Variants in ALKAL1 observed in about 807,000 individuals in gnomAD.
ALKAL1 encodes the protein ALK and LTK ligand 1.
In ALKAL1, 23 loss-of-function variants were observed where a neutral mutation model predicts 13.5. The ratio of observed to expected loss-of-function variants is 1.70; its 90% CI spans 1.23 to 2.41. ALKAL1 has a LOEUF of 2.41. ALKAL1 is among the 30% of genes most tolerant of loss of function. ALKAL1 has a pLI of 0.00. For synonymous variants in ALKAL1, 85 were observed against 77.7 expected, an observed-to-expected ratio of 1.09 and a Z score of -0.49; for missense variants, 181 against 178.4, an observed-to-expected ratio of 1.01 and a Z score of -0.08.
chr8:52,538,427 T>C lies in ALKAL1; in HGVS notation c.*12+4A>G, dbSNP rs754164128. ...CAGGATAAGAAAAATAAATATATAC[T>C]CACAGGGTAGTTTTGCTAGGTCTGG... On this transcript the variant is annotated splice_donor_region_variant and intron_variant, in intron 4 of 4. Coordinates refer to ENST00000358543, the MANE Select transcript of ALKAL1 (RefSeq NM_207413.4). The C allele has an allele frequency of 8.5e-6, 13 of 1,530,396 alleles. No individual in the cohort carries two copies. The highest frequency in any genetic ancestry group is 8.1e-6 in the Non-Finnish European group (9 of 1,108,512). 94.8% of individuals were successfully genotyped at this position (1,530,396 alleles called of 1,614,324 possible).
chr8:52,545,094 A>G (rs1317859455), intron 1 of ALKAL1, among the ~76,000 whole-genome samples: 1 of 152,128 alleles, frequency 6.6e-6, no homozygotes, highest in African/African-American at 2.4e-5. Flanking sequence ...ACTATTTTTA[A>G]TAATAAAAAA....
chr8:52,538,315 C>T (rs1309737440), intron 4 of ALKAL1, 116 bp downstream of exon 4: 1 of 660,266 alleles, frequency 1.5e-6, no homozygotes, highest in Non-Finnish European at 2.7e-6. Flanking sequence ...CAAAATGTAA[C>T]ACTGTACCCC....
intron 1 of ALKAL1, among the ~76,000 whole-genome samples, chr8:52,552,683 T>C (rs944949378): frequency 6.6e-6 from 1 of 152,282 alleles, no homozygotes; most frequent in African/African-American, 2.4e-5. Flanking sequence ...CTGGCCATCA[T>C]GAAATGTTTT....
intron 3 of ALKAL1, among the ~76,000 whole-genome samples, chr8:52,538,964 G>A (rs1590864732): frequency 6.6e-6 from 1 of 151,258 alleles, no homozygotes; most frequent in East Asian, 1.9e-4. Flanking sequence ...GCTAATTTTT[G>A]TATTTTTGGT....
Position 52,565,335 on chromosome 8 carries a change from A to G in ALKAL1, c.-79T>C. 1.8e-6 allele frequency: 2 copies of G among 1,140,102 alleles called. No homozygotes were observed. Among genetic ancestry groups the G allele is most frequent in the South Asian group, 4.0e-5 (1 of 24,908 alleles). The allele number at this position is 1,140,102 out of a possible 1,614,324, so 70.6% of individuals were successfully genotyped here. On this transcript the variant is annotated 5_prime_UTR_variant, in exon 1 of 5. Coordinates refer to ENST00000358543, the MANE Select transcript of ALKAL1 (RefSeq NM_207413.4). ...TCCGGAGGGTGCGCGGCCCAAGAGA[A>G]GGCCAGCGGGACCACAGCGCGGCTA...
At chr8:52,557,579 C>A (rs182129725) in intron 1 of ALKAL1, among the ~76,000 whole-genome samples, 1 of 152,130 alleles carries the variant, frequency 6.6e-6, no homozygotes, top group African/African-American at 2.4e-5. Context: ...CTTTTTTTAA[C>A]GGTTGGCTCA....
chr8:52,538,756 A>C (rs1387820581), intron 3 of ALKAL1, among the ~76,000 whole-genome samples: 1 of 152,164 alleles, frequency 6.6e-6, no homozygotes, highest in African/African-American at 2.4e-5. Context: ...TAACTAGTCA[A>C]AAGCTTTATC....
chr8:52,538,218 T>C (rs1029195944), intron 4 of ALKAL1, among the ~76,000 whole-genome samples: 1 of 152,140 alleles, frequency 6.6e-6, no homozygotes, highest in Non-Finnish European at 1.5e-5. Context: ...TTAACCATAA[T>C]TCATTGTATA....
chr8:52,563,040 G>C (rs1847566604), intron 1 of ALKAL1, among the ~76,000 whole-genome samples: 1 of 152,162 alleles, frequency 6.6e-6, no homozygotes, highest in African/African-American at 2.4e-5. Flanking sequence ...GACAACTACA[G>C]TCACAGAAAG....
intron 1 of ALKAL1, among the ~76,000 whole-genome samples, chr8:52,557,921 G>A (rs983626738): frequency 1.3e-5 from 2 of 148,992 alleles, no homozygotes; most frequent in Non-Finnish European, 3.0e-5. Context: ...AGCTGAGATT[G>A]AACCACTGCA....
At chr8:52,542,624 A>T (rs1264804268) in intron 1 of ALKAL1, among the ~76,000 whole-genome samples, 179 bp from the exon 2 acceptor site, 1 of 152,228 alleles carries the variant, frequency 6.6e-6, no homozygotes, top group Non-Finnish European at 1.5e-5. Context: ...AAACTGCAGT[A>T]CAACTCACTG....
intron 4 of ALKAL1, among the ~76,000 whole-genome samples, chr8:52,537,840 T>C (rs1267319529): frequency 3.3e-5 from 5 of 151,814 alleles, no homozygotes. Context: ...CTCACGCTTG[T>C]AATCCCAGCA....
intron 2 of ALKAL1, among the ~76,000 whole-genome samples, chr8:52,541,143 C>T (rs1450925665): frequency 6.6e-6 from 1 of 152,112 alleles, no homozygotes; most frequent in Non-Finnish European, 1.5e-5. Flanking sequence ...ATATGAAGAA[C>T]CAAATAGTGT....
chr8:52,560,384 C>T (rs372687095), intron 1 of ALKAL1, among the ~76,000 whole-genome samples: 36 of 152,254 alleles, frequency 2.4e-4, no homozygotes, highest in African/African-American at 7.0e-4. Context: ...ACTACTGTGA[C>T]GTTTTCTACA....
At chr8:52,548,027 G>A (rs1847389395) in intron 1 of ALKAL1, among the ~76,000 whole-genome samples, 2 of 152,184 alleles carry the variant, frequency 1.3e-5, no homozygotes, top group Admixed American at 1.3e-4. Flanking sequence ...ATGGCTTGTG[G>A]ATGTGGTGTT....
rs910635441 is a variant in ALKAL1 at position 52,565,095 on chromosome 8, G to C, written c.162C>G (p.Gly54=). 2.7e-5 allele frequency: 38 copies of C among 1,412,772 alleles called. No homozygotes were observed. The highest frequency in any genetic ancestry group is 3.3e-5 in the Non-Finnish European group (36 of 1,078,942). The allele number at this position is 1,412,772 out of a possible 1,614,324, so 87.5% of individuals were successfully genotyped here. A position where few individuals can be genotyped will look rare whatever the true frequency, so the allele number is the denominator to read the frequency against. ...CGCTCCGGGAGCCGCTGGGAGTCCG[G>C]CCGGCCCCGGCCGCGGGGAGGAAAA... ...PLLFLPAAGA[G]RTPSGSRSAE... is the part of the protein sequence containing the mutation. Residue 54 remains glycine, a synonymous_variant, in exon 1 of 5, where the codon GGC becomes GGG. Transcript: ENST00000358543.
intron 2 of ALKAL1, among the ~76,000 whole-genome samples, chr8:52,540,272 T>C (rs1847300415): frequency 6.6e-6 from 1 of 152,244 alleles, no homozygotes. Context: ...TTCTACTTTC[T>C]GTTTTTATTT....
At chr8:52,556,646 CAAAAAAAAAAA>C (rs59483863) in intron 1 of ALKAL1, among the ~76,000 whole-genome samples, 6 of 51,372 alleles carry the variant, frequency 1.2e-4, no homozygotes, top group South Asian at 8.8e-4. Flanking sequence ...AACTCTGTCT[CAAAAAAAAAAA>C]AAAAAAAAAA....
intron 1 of ALKAL1, among the ~76,000 whole-genome samples, chr8:52,544,911 T>C (rs1328365833): frequency 6.6e-6 from 1 of 152,178 alleles, no homozygotes; most frequent in Non-Finnish European, 1.5e-5. Context: ...AAACATTTTT[T>C]AATAAATAAA....
Sources: gnomAD v4.1 joint callset for allele counts (sites outside exome capture counted in the v4.1 genomes callset) on GRCh38, gnomAD v4.1.1 for gene constraint, MANE v1.5 for transcripts, NCBI Gene and HGNC (gene_info 2026-07-23, HGNC 2026-07-21) for gene names.